The following TG variants were observed in gnomAD, a reference collection of about 807,000 sequenced individuals.
TG encodes thyroid hormones.
A neutral mutation model predicts 324.7 loss-of-function variants in TG; 270 were observed. That is an observed-to-expected ratio of 0.83 (90% CI 0.75 to 0.92). TG has a LOEUF of 0.92. Among genes scored for constraint, TG ranks in the 40% least tolerant of loss-of-function variants. The pLI, the probability that TG is intolerant of heterozygous loss-of-function variation, is 0.00. For synonymous variants in TG, 1,401 were observed against 1,327.0 expected, an observed-to-expected ratio of 1.06 and a Z score of -1.21; for missense variants, 3,591 against 3,456.4, an observed-to-expected ratio of 1.04 and a Z score of -0.98.
intron 41 of TG, among the ~76,000 whole-genome samples, chr8:133,038,937 G>A (rs1837612414): frequency 6.6e-6 from 1 of 152,126 alleles, no homozygotes; most frequent in Non-Finnish European, 1.5e-5. Flanking sequence ...GAGTGCAGTG[G>A]TGCAATCTCT....
At chr8:133,052,990 C>T (rs947317054) in intron 41 of TG, among the ~76,000 whole-genome samples, 7 of 152,136 alleles carry the variant, frequency 4.6e-5, no homozygotes, top group Non-Finnish European at 8.8e-5. Context: ...ATGAATGGGC[C>T]GTTTATTAAC....
chr8:133,019,246 C>A (rs1423722653), intron 38 of TG, among the ~76,000 whole-genome samples: 1 of 152,126 alleles, frequency 6.6e-6, no homozygotes, highest in Non-Finnish European at 1.5e-5. Flanking sequence ...GGTAGGACAC[C>A]CCCTCCAGAG....
At chr8:133,111,639 G>A (rs1487527436) in intron 43 of TG, among the ~76,000 whole-genome samples, 1 of 152,212 alleles carries the variant, frequency 6.6e-6, no homozygotes, top group African/African-American at 2.4e-5. Flanking sequence ...GATGGTAAGA[G>A]TATGGAGTGT....
chr8:132,888,666 T>A (rs1279264400), intron 10 of TG, 98 bp downstream of exon 10: 1 of 1,284,700 alleles, frequency 7.8e-7, no homozygotes, highest in East Asian at 2.5e-5. Flanking sequence ...TGGGAGGGTA[T>A]TGAGTGTCAA....
intron 30 of TG, among the ~76,000 whole-genome samples, chr8:132,967,062 CCA>C (rs1828680765): frequency 6.6e-6 from 1 of 150,744 alleles, no homozygotes; most frequent in Non-Finnish European, 1.5e-5. Context: ...ATCCATCCAT[CCA>C]TCCCATTCAT....
rs76552813 is a variant in TG, at chr8:132,879,453, T to C, written c.639-2410T>C. Reference sequence around the variant, plus strand: ...GGAAGTGGAGATTTTTAAAGAGTTGTGAGAATTAAATGAGACAAATATGGA... The same window carrying C: ...GGAAGTGGAGATTTTTAAAGAGTTGCGAGAATTAAATGAGACAAATATGGA... On this transcript the variant is annotated intron_variant, in intron 5 of 47. Transcript: ENST00000220616. Among the ~76,000 whole-genome samples, 1,390 of 152,348 alleles carry C rather than the reference T, an allele frequency of 9.1e-3. 40 individuals carry two copies. Among genetic ancestry groups the C allele is most frequent in the East Asian group, 0.087 (453 of 5,188 alleles).
At chr8:133,059,672 G>A (rs16904814) in intron 41 of TG, among the ~76,000 whole-genome samples, 4,948 of 152,196 alleles carry the variant, frequency 0.033, 249 homozygotes, top group African/African-American at 0.11. Context: ...CAGCTCTTGC[G>A]GGGCTAAGTA....
intron 43 of TG, among the ~76,000 whole-genome samples, chr8:133,112,125 TGGCTGTGCCCACCCAGGAGG>T (rs1201295678): frequency 3.5e-4 from 1 of 2,838 alleles, no homozygotes; most frequent in African/African-American, 1.2e-3. Flanking sequence ...CACCCAGGAG[TGGCTGTGCCCACCCAGGAGG>T]GGCTGTTCCC....
chr8:132,900,011 G>A (rs535134533), intron 14 of TG, among the ~76,000 whole-genome samples: 9 of 152,272 alleles, frequency 5.9e-5, no homozygotes, highest in South Asian at 4.1e-4. Context: ...ACCCAAAAGC[G>A]GGAGAACTGT....
intron 43 of TG, 52 bp from the exon 44 acceptor site, chr8:133,113,370 T>C (rs1475455350): frequency 1.2e-6 from 2 of 1,605,732 alleles, no homozygotes; most frequent in African/African-American, 2.7e-5. Context: ...GGACACTGAC[T>C]TGGACCTTTC....
intron 5 of TG, among the ~76,000 whole-genome samples, chr8:132,875,740 C>G (rs571917929): frequency 4.6e-5 from 7 of 152,306 alleles, no homozygotes; most frequent in African/African-American, 1.4e-4. Flanking sequence ...GAAATGGGAG[C>G]CTTTTCATTT....
chr8:133,099,865 A>C (rs1848986601), intron 43 of TG, among the ~76,000 whole-genome samples: 1 of 152,050 alleles, frequency 6.6e-6, no homozygotes, highest in Admixed American at 6.5e-5. Context: ...CAGCCACTTT[A>C]TTTGAGATTT....
At chr8:132,923,727 A>G (rs907910246) in intron 22 of TG, among the ~76,000 whole-genome samples, 1 of 152,190 alleles carries the variant, frequency 6.6e-6, no homozygotes, top group Non-Finnish European at 1.5e-5. Context: ...TTTTGGAATC[A>G]TTTGGTATGT....
chr8:132,964,792 C>T, intron 29 of TG: 1 of 648,112 alleles, frequency 1.5e-6, no homozygotes, highest in Non-Finnish European at 2.8e-6. Flanking sequence ...ATGTGCCAGC[C>T]ACTGCATGAC....
chr8:133,079,893 G>C (rs1056669564), intron 41 of TG, among the ~76,000 whole-genome samples: 2 of 151,796 alleles, frequency 1.3e-5, no homozygotes. Flanking sequence ...TGACCTTCAA[G>C]ATCGCATACA....
At chr8:133,040,009 C>T in intron 41 of TG, 1 of 1,551,682 alleles carries the variant, frequency 6.4e-7, no homozygotes, top group Non-Finnish European at 8.7e-7. Context: ...TGGACACTCT[C>T]CTCCAGTCCA....
chr8:132,989,757 G>A (rs1245477528), intron 35 of TG, among the ~76,000 whole-genome samples: 2 of 152,144 alleles, frequency 1.3e-5, no homozygotes, highest in Non-Finnish European at 2.9e-5. Context: ...TCATTAAGCT[G>A]GAAACAGAGT....
intron 45 of TG, among the ~76,000 whole-genome samples, chr8:133,128,591 G>A (rs1851716606): frequency 6.6e-6 from 1 of 152,128 alleles, no homozygotes; most frequent in Admixed American, 6.5e-5. Context: ...GGAAAACCAA[G>A]GCTTAGAGAT....
intron 27 of TG, among the ~76,000 whole-genome samples, chr8:132,952,295 A>G (rs1826220708): frequency 1.3e-5 from 2 of 152,298 alleles, no homozygotes; most frequent in South Asian, 2.1e-4. Context: ...ATACGGCACA[A>G]GGGCTGGGAG....
Sources: allele counts gnomAD v4.1 joint callset (sites outside exome capture counted in the v4.1 genomes callset), GRCh38; gene constraint gnomAD v4.1.1; transcripts MANE v1.5; gene names NCBI Gene and HGNC (gene_info 2026-07-23, HGNC 2026-07-21).